Variants in LONRF1 observed in about 807,000 individuals in gnomAD.
The protein encoded by LONRF1 is LON peptidase N-terminal domain and RING finger protein 1.
Under a neutral mutation model 85.8 loss-of-function variants are expected in LONRF1, and 37 were observed. The ratio of observed to expected loss-of-function variants is 0.43; its 90% confidence interval spans 0.33 to 0.57. The LOEUF (loss-of-function observed/expected upper bound fraction) is 0.57. Among genes scored for constraint, LONRF1 ranks in the 20% least tolerant of loss-of-function variants. LONRF1 has a pLI of 0.04. For missense variants in LONRF1, 1,036 were observed against 978.0 expected (o/e 1.06, Z -0.79); for synonymous variants, 517 against 390.1 (o/e 1.33, Z -3.83).
chr8:12,725,135 C>T (rs766183732), intron 11 of LONRF1, among the ~76,000 whole-genome samples: 11 of 152,298 alleles, frequency 7.2e-5, no homozygotes, highest in Admixed American at 2.6e-4. Context: ...GTTTTGCTTG[C>T]ACAGAAAGTG....
intron 1 of LONRF1, among the ~76,000 whole-genome samples, chr8:12,745,125 C>A (rs556274253): frequency 6.6e-6 from 1 of 152,044 alleles, no homozygotes. Flanking sequence ...CCTCTCCACA[C>A]AGAAAAATTC....
intron 7 of LONRF1, among the ~76,000 whole-genome samples, chr8:12,734,270 T>G (rs1355766801): frequency 2.6e-5 from 4 of 152,168 alleles, no homozygotes; most frequent in Non-Finnish European, 4.4e-5. Context: ...ACATATCAGC[T>G]TGTTATATAT....
chr8:12,740,072 C>T (rs1007913519), intron 3 of LONRF1, among the ~76,000 whole-genome samples: 1 of 152,114 alleles, frequency 6.6e-6, no homozygotes, highest in Non-Finnish European at 1.5e-5. Context: ...GGGCCCAGGA[C>T]TCTTTAGGTT....
Position 12,755,220 on chromosome 8 carries a change from C to A in LONRF1, c.201G>T (p.Ala67=). Residue 67 remains alanine, a synonymous_variant, in exon 1 of 12, where the codon GCG becomes GCT. Transcript: ENST00000398246. ...LLALGGHLKG[A]LEAFAAALRR... ...GCAGCGCCGCCGCGAACGCCTCCAG[C>A]GCGCCCTTCAGGTGGCCGCCCAGCG... The A allele has an allele frequency of 7.9e-7, 1 of 1,262,946 alleles. No individual in the cohort carries two copies. The highest frequency in any genetic ancestry group is 2.9e-5 in the South Asian group (1 of 34,764). The allele number at this position is 1,262,946 out of a possible 1,614,324, so 78.2% of individuals were successfully genotyped here. A position where few individuals can be genotyped will look rare whatever the true frequency, so the allele number is the denominator to read the frequency against.
At chr8:12,733,736 T>G (rs1416303603) in intron 7 of LONRF1, among the ~76,000 whole-genome samples, 1 of 152,160 alleles carries the variant, frequency 6.6e-6, no homozygotes, top group East Asian at 1.9e-4. Context: ...ACTGGACTAT[T>G]ATGCTGCTAT....
At chr8:12,745,720 G>A (rs1799126832) in intron 1 of LONRF1, among the ~76,000 whole-genome samples, 1 of 152,088 alleles carries the variant, frequency 6.6e-6, no homozygotes. Context: ...TTTTGAAATC[G>A]ACAAAATTTC....
At chr8:12,736,867 T>G in intron 5 of LONRF1, 33 bp downstream of exon 5, 1 of 1,572,200 alleles carries the variant, frequency 6.4e-7, no homozygotes, top group Non-Finnish European at 8.6e-7. Flanking sequence ...CTAAATAAAT[T>G]TATTTTATAT....
intron 1 of LONRF1, among the ~76,000 whole-genome samples, chr8:12,743,632 G>T (rs780312948): frequency 6.6e-6 from 1 of 152,006 alleles, no homozygotes; most frequent in Non-Finnish European, 1.5e-5. Context: ...GTTTAGATTT[G>T]CCTTTTTATA....
intron 10 of LONRF1, among the ~76,000 whole-genome samples, chr8:12,727,721 T>C (rs1286748028): frequency 6.6e-6 from 1 of 152,230 alleles, no homozygotes; most frequent in Non-Finnish European, 1.5e-5. Context: ...CTTTAGCAAG[T>C]GATTCCATTA....
chr8:12,729,011 C>T lies in LONRF1; in HGVS notation c.1900G>A (p.Asp634Asn). ...LQIRNVHFLP[D>N]GRSVVDTVGG... ...ACTGTATCAACCACAGACCTTCCGT[C>T]CGGTAAGAAATGCACGTTTCTAATT... Residue 634 changes from aspartate (D) to asparagine (N), a missense_variant, in exon 10 of 12, where the codon GAC (aspartate) becomes AAC (asparagine). Coordinates refer to ENST00000398246, the MANE Select transcript of LONRF1 (RefSeq NM_152271.5). The T allele has an allele frequency of 6.2e-7, 1 of 1,614,028 alleles. No individual in the cohort carries two copies. Among genetic ancestry groups the T allele is most frequent in the Non-Finnish European group, 8.5e-7 (1 of 1,179,914 alleles).
In LONRF1 at chr8:12,723,014, C is replaced by G. The variant is rs2117207144; in HGVS notation, c.*82G>C. 2.3e-6 allele frequency: 3 copies of G among 1,311,446 alleles called. No homozygotes were observed. Among genetic ancestry groups the G allele is most frequent in the East Asian group, 4.8e-5 (2 of 41,522 alleles). 81.2% of individuals were successfully genotyped at this position (1,311,446 alleles called of 1,614,324 possible). Reference sequence around the variant, plus strand: ...TTTCATTAAATTTCTGAAACCAGCACTAGATGTGCAAAGGCAGCAGACAAT... The same window carrying G: ...TTTCATTAAATTTCTGAAACCAGCAGTAGATGTGCAAAGGCAGCAGACAAT... On this transcript the variant is annotated 3_prime_UTR_variant, in exon 12 of 12. Coordinates refer to ENST00000398246, the MANE Select transcript of LONRF1 (RefSeq NM_152271.5).
chr8:12,751,001 G>T (rs1419895167), intron 1 of LONRF1, among the ~76,000 whole-genome samples: 1 of 152,146 alleles, frequency 6.6e-6, no homozygotes, highest in Non-Finnish European at 1.5e-5. Flanking sequence ...ACCCTATGAG[G>T]TAGAGACTAT....
rs1171626053 is a variant in LONRF1, at chr8:12,722,993, A to G, written c.*103T>C. ...AGGTCGAAGGAAAAAGAAAAGTTTC[A>G]TTAAATTTCTGAAACCAGCACTAGA... On this transcript the variant is annotated 3_prime_UTR_variant, in exon 12 of 12. Coordinates refer to ENST00000398246, the MANE Select transcript of LONRF1 (RefSeq NM_152271.5). 5 of 1,149,584 alleles carry G rather than the reference A, an allele frequency of 4.3e-6. No individual in the cohort carries two copies. In the East Asian group the frequency reaches 1.2e-4, roughly 28 times the overall value. 71.2% of individuals were successfully genotyped at this position (1,149,584 alleles called of 1,614,324 possible). A position where few individuals can be genotyped will look rare whatever the true frequency, so the allele number is the denominator to read the frequency against.
chr8:12,741,409 A>G (rs563959772), intron 2 of LONRF1, among the ~76,000 whole-genome samples: 3 of 152,234 alleles, frequency 2.0e-5, no homozygotes, highest in Non-Finnish European at 2.9e-5. Context: ...GGAAATGCAG[A>G]TTTTGAAATT....
At chr8:12,726,542 T>C (rs1563134030) in intron 10 of LONRF1, among the ~76,000 whole-genome samples, 1 of 152,204 alleles carries the variant, frequency 6.6e-6, no homozygotes, top group African/African-American at 2.4e-5. Context: ...ACTGCAAATG[T>C]AAAATTAATT....
chr8:12,733,186 G>A (rs1007872455), intron 7 of LONRF1, among the ~76,000 whole-genome samples: 1 of 152,124 alleles, frequency 6.6e-6, no homozygotes, highest in Non-Finnish European at 1.5e-5. Context: ...TATATACACA[G>A]ATAATAAGTG....
intron 7 of LONRF1, among the ~76,000 whole-genome samples, chr8:12,734,904 G>C (rs868781838): frequency 1.1e-4 from 16 of 152,060 alleles, no homozygotes; most frequent in African/African-American, 3.9e-4. Flanking sequence ...AGTTGTTCTA[G>C]ATGTTGAGGA....
chr8:12,726,644 T>C (rs1027942953), intron 10 of LONRF1, among the ~76,000 whole-genome samples: 6 of 152,242 alleles, frequency 3.9e-5, no homozygotes, highest in African/African-American at 1.2e-4. Context: ...TACTGATTTC[T>C]TTAATGCACA....
intron 8 of LONRF1, among the ~76,000 whole-genome samples, chr8:12,730,727 T>A (rs1316209451): frequency 6.6e-6 from 1 of 152,224 alleles, no homozygotes; most frequent in African/African-American, 2.4e-5. Flanking sequence ...CAATAAAATA[T>A]CAATTCTGTG....
Sources: allele counts gnomAD v4.1 joint callset (sites outside exome capture counted in the v4.1 genomes callset), GRCh38; gene constraint gnomAD v4.1.1; transcripts MANE v1.5; gene names NCBI Gene and HGNC (gene_info 2026-07-23, HGNC 2026-07-21).